HR: variants seen among roughly 807,000 people sequenced by gnomAD.
The protein encoded by HR is HR lysine demethylase and nuclear receptor corepressor, also known as lysine-specific demethylase hairless.
Under a neutral mutation model 128.6 loss-of-function variants are expected in HR, and 83 were observed. That is an observed-to-expected ratio of 0.65 (90% CI 0.54 to 0.77). The LOEUF is 0.77. Among genes scored for constraint, HR ranks in the 30% least tolerant of loss-of-function variants. HR has a pLI of 0.00. For missense variants in HR, 1,490 were observed against 1,574.6 expected (o/e 0.95, Z 0.91); for synonymous variants, 681 against 658.2 (o/e 1.03, Z -0.53).
At position 22,119,146 on chromosome 8, in the gene HR, C is replaced by T. The variant is rs752585861; in HGVS notation, c.3097+18G>A. On this transcript the variant is annotated intron_variant, in intron 15 of 18. Coordinates refer to ENST00000381418, the MANE Select transcript of HR (RefSeq NM_005144.5). ...CTCTGTAGCTTGTCCCCGCTCCTGC[C>T]TCTGGCCGAGGACCTACCTTTCTGT... The T allele has an allele frequency of 1.9e-6, 3 of 1,613,714 alleles. No individual in the cohort carries two copies. Among genetic ancestry groups the T allele is most frequent in the African/African-American group, 1.3e-5 (1 of 74,938 alleles).
Position 22,123,765 on chromosome 8 carries a change from C to T in HR, c.1799G>A (p.Cys600Tyr). ...TEDSPGIPRC[C>Y]SRCHHGLFNT... ...GAAGAGTCCATGGTGGCAACGGCTG[C>T]AGCAGCGTGGAATGCCTGGGCTGTC... Residue 600 changes from cysteine to tyrosine, a missense_variant, in exon 6 of 19, where the codon TGC (cysteine) becomes TAC (tyrosine). Cys to Tyr is a radical substitution (Grantham distance 194, BLOSUM62 -2). Around this residue, in one of 3 missense-constraint regions of HR, gnomAD observed 1,060 missense variants for 1,060.9 expected, o/e 1.00. Coordinates refer to ENST00000381418, the MANE Select transcript of HR (RefSeq NM_005144.5). 6.2e-7 allele frequency: 1 copy of T among 1,602,208 alleles called. No individual in the cohort carries two copies. Among genetic ancestry groups the T allele is most frequent in the Non-Finnish European group, 8.5e-7 (1 of 1,177,650 alleles).
At chr8:22,128,295 A>G (rs1826954578) in intron 2 of HR, 1 of 580,996 alleles carries the variant, frequency 1.7e-6, no homozygotes, top group South Asian at 2.0e-5. Flanking sequence ...CCAAGGCCAC[A>G]GTTCCCAGGA....
chr8:22,117,150 C>G (rs1162696369), intron 16 of HR, 111 bp from the exon 17 acceptor site: 46 of 1,175,398 alleles, frequency 3.9e-5, no homozygotes, highest in Non-Finnish European at 5.1e-5. Flanking sequence ...GCCGAAGGGT[C>G]AAGTCTTGAA....
chr8:22,126,500 AG>A (rs1388621883), intron 3 of HR, among the ~76,000 whole-genome samples: 2 of 152,242 alleles, frequency 1.3e-5, no homozygotes, highest in Non-Finnish European at 2.9e-5. Flanking sequence ...GCGCAGGACA[AG>A]GGATCCTTCA....
chr8:22,121,714 C>T lies in HR; in HGVS notation c.2122-20G>A. 6.2e-7 allele frequency: 1 copy of T among 1,603,304 alleles called. No individual in the cohort carries two copies. Among genetic ancestry groups the T allele is most frequent in the Non-Finnish European group, 8.5e-7 (1 of 1,170,402 alleles). On this transcript the variant is annotated intron_variant, in intron 8 of 18. Transcript: ENST00000381418. ...TTCCTTCTGTTAAACCCATCCACCA[C>T]CCCCCCAATCCAACCAGAGATTTTA...
rs1197580100 is a variant in HR, at chr8:22,123,718, G to A, written c.1846C>T (p.Arg616Cys). ...GLFNTHWRCPRCSHRLCVACG... is the reference protein window; with the variant it reads ...GLFNTHWRCPCCSHRLCVACG... ...GCCACACACAGCCGGTGGCTGCAGC[G>A]GGGACATCGCCAGTGGGTGTTGAAG... is the stretch of plus-strand genomic sequence containing the variant. Residue 616 changes from arginine (R) to cysteine (C), a missense_variant, in exon 6 of 19, where the codon CGC becomes TGC. By Grantham distance (180) the Arg-to-Cys change is radical (BLOSUM62 -3). Coordinates refer to ENST00000381418, the MANE Select transcript of HR (RefSeq NM_005144.5). 8.9e-6 allele frequency: 14 copies of A among 1,581,894 alleles called. No individual in the cohort carries two copies. The highest frequency in any genetic ancestry group is 2.3e-5 in the East Asian group (1 of 43,894).
chr8:22,119,046 G>A lies in HR; in HGVS notation c.3117C>T (p.Asp1039=), dbSNP rs758297381. Residue 1039 remains aspartate (D), a synonymous_variant, in exon 16 of 19, where the codon GAC becomes GAT. Transcript: ENST00000381418. ...RAQKDFLSGL[D]GEGLWSPGSQ... ...TGCCCGGAGACCAGAGCCCCTCCCC[G>A]TCCAGGCCTGAAAGGAAGTCTGAGG... 23 of 1,613,130 alleles carry A rather than the reference G, an allele frequency of 1.4e-5. No individual in the cohort carries two copies. The highest frequency in any genetic ancestry group is 2.2e-5 in the South Asian group (2 of 91,080).
At chr8:22,119,392 T>C (rs1296887788) in intron 14 of HR, 109 bp from the exon 15 acceptor site, 2 of 1,488,622 alleles carry the variant, frequency 1.3e-6, no homozygotes, top group East Asian at 4.7e-5. Flanking sequence ...GCAGATCACC[T>C]GAGGTCAGGA....
At position 22,127,209 on chromosome 8, in the gene HR, G is replaced by A. The variant is rs1826916958; in HGVS notation, c.1233C>T (p.Leu411=). The change falls in exon 3 of 19, where the codon CTC becomes CTT. Residue 411 remains leucine (L), a synonymous_variant. Coordinates refer to ENST00000381418, the MANE Select transcript of HR (RefSeq NM_005144.5). ...GGACCTCGGGGCTGCCTGCCCTTTT[G>A]AGGGCCCGGAGCCGAGCAACCGGCC... ...EERPVARLRA[L]KRAGSPEVQG... 1.2e-6 allele frequency: 2 copies of A among 1,612,888 alleles called. No individual in the cohort carries two copies. Among genetic ancestry groups the A allele is most frequent in the Non-Finnish European group, 1.7e-6 (2 of 1,180,016 alleles).
At chr8:22,121,330 C>G (rs1407964997) in intron 9 of HR, 102 bp from the exon 10 acceptor site, 2 of 1,433,660 alleles carry the variant, frequency 1.4e-6, no homozygotes, top group Non-Finnish European at 1.9e-6. Context: ...CTGGCTGAGC[C>G]CACTCTCCCC....
At chr8:22,119,631 A>G (rs1280445412) in intron 14 of HR, 129 bp downstream of exon 14, 4 of 1,136,872 alleles carry the variant, frequency 3.5e-6, no homozygotes, top group Admixed American at 3.0e-5. Flanking sequence ...AAAAAAAAAA[A>G]GAAAGAAAGA....
At chr8:22,119,322 CAG>C in intron 14 of HR, 39 bp from the exon 15 acceptor site, 1 of 1,612,516 alleles carries the variant, frequency 6.2e-7, no homozygotes, top group Non-Finnish European at 8.5e-7. Context: ...GAAATGGAAT[CAG>C]AGAGCCAGGC....
rs747696916 is a variant in HR, at chr8:22,116,904, C to G, written c.3349G>C (p.Val1117Leu). 26 of 1,564,098 alleles carry G rather than the reference C, an allele frequency of 1.7e-5. No homozygotes were observed. Among genetic ancestry groups the G allele is most frequent in the Non-Finnish European group, 2.2e-5 (26 of 1,159,818 alleles). ...TGGGGAGCCCCTGCAGGCACCAGCA[C>G]GGCCTCTCCGGGGGCCTGGAGCAGG... The part of the protein sequence containing the change: ...WTLLQAPGEA[V>L]LVPAGAPHQV... Residue 1117 changes from valine (V) to leucine (L), a missense_variant, in exon 17 of 19, where the codon GTG (valine) becomes CTG (leucine). This residue lies in a region of HR where 423 missense variants were observed against 495.9 expected (regional missense o/e 0.85). Transcript: ENST00000381418. This position sits in a 1 kb window ranked among gnomAD's most constrained non-coding sequence, Gnocchi z 4.2.
intron 5 of HR, among the ~76,000 whole-genome samples, chr8:22,125,085 G>A (rs1229364738): frequency 6.6e-6 from 1 of 152,224 alleles, no homozygotes; most frequent in African/African-American, 2.4e-5. Context: ...ACCTCCCAGT[G>A]CCTTGCAGAT....
Position 22,119,753 on chromosome 8 carries a change from C to CA in HR, c.2977+6dup, listed in dbSNP as rs755222605. 30 of 1,604,464 alleles carry CA rather than the reference C, an allele frequency of 1.9e-5. No homozygotes were observed. In the Middle Eastern group the frequency reaches 1.7e-3, roughly 89 times the overall value. On this transcript the variant is annotated splice_region_variant and intron_variant, in intron 14 of 18. Coordinates refer to ENST00000381418, the MANE Select transcript of HR (RefSeq NM_005144.5). ...TAGAGACTGGGCAGGAGTGGAGGGA[C>CA]ACTCACCATAGGCTGCCCAGAGCTG...
Position 22,127,420 on chromosome 8 carries a change from C to T in HR, c.1022G>A (p.Cys341Tyr). The T allele has an allele frequency of 6.2e-7, 1 of 1,613,050 alleles. No individual in the cohort carries two copies. The change falls in exon 3 of 19, where the codon TGT (cysteine) becomes TAT (tyrosine). Residue 341 changes from cysteine to tyrosine, a missense_variant. Physicochemically the swap from Cys to Tyr is radical, Grantham distance 194. Around this residue, in one of 3 missense-constraint regions of HR, gnomAD observed 1,060 missense variants for 1,060.9 expected, o/e 1.00. Transcript: ENST00000381418. ...PPTKGGGLGPCGKCQEGLEGG... is the reference protein window; with the variant it reads ...PPTKGGGLGPYGKCQEGLEGG... ...CTCCAGGCCCTCCTGGCACTTCCCACAAGGGCCAAGACCCCCACCTTTAGT... is the reference window on the plus strand; with the variant it reads ...CTCCAGGCCCTCCTGGCACTTCCCATAAGGGCCAAGACCCCCACCTTTAGT...
intron 3 of HR, 56 bp from the exon 4 acceptor site, chr8:22,125,788 C>G (rs1586382730): frequency 6.3e-7 from 1 of 1,591,976 alleles, no homozygotes; most frequent in South Asian, 1.1e-5. Context: ...CTGAGAACCC[C>G]ATTCCTCACC....
chr8:22,128,254 A>T lies in HR; in HGVS notation c.612+305T>A, dbSNP rs6992008. 175,273 of 536,978 alleles carry T rather than the reference A, an allele frequency of 0.33. 30,391 individuals carry two copies. Among genetic ancestry groups the T allele is most frequent in the Middle Eastern group, 0.44 (877 of 1,972 alleles). 33.3% of individuals were successfully genotyped at this position (536,978 alleles called of 1,614,324 possible). On this transcript the variant is annotated intron_variant, in intron 2 of 18. Transcript: ENST00000381418. ...TCAGATAGAGGGCCCTTGTCTGCCCACCCATCTCCTCCCAGGACAAGCCAC... is the reference window on the plus strand; with the variant it reads ...TCAGATAGAGGGCCCTTGTCTGCCCTCCCATCTCCTCCCAGGACAAGCCAC...
rs1348774338 is a variant in HR, at chr8:22,128,969, C to T, written c.202G>A (p.Gly68Ser). Reference protein sequence around the residue: ...DSWLPPGFPQGPKDMLPLVEG... With the variant: ...DSWLPPGFPQSPKDMLPLVEG... ...ACAAGTGGGAGCATGTCCTTGGGGC[C>T]CTGGGGGAAGCCAGGGGGAAGCCAG... The change falls in exon 2 of 19, where the codon GGC becomes AGC. Residue 68 changes from glycine to serine, a missense_variant. Physicochemically the swap from Gly to Ser is moderately conservative, Grantham distance 56 (BLOSUM62 0). Transcript: ENST00000381418. 1.2e-6 allele frequency: 2 copies of T among 1,613,352 alleles called. No homozygotes were observed. The highest frequency in any genetic ancestry group is 1.7e-5 in the Admixed American group (1 of 60,020).
Sources: gnomAD v4.1 joint callset for allele counts (sites outside exome capture counted in the v4.1 genomes callset) on GRCh38, gnomAD v4.1.1 for gene constraint, gnomAD v4.1.1 regional missense constraint, Gnocchi (gnomAD v3.1) non-coding constraint, MANE v1.5 for transcripts, NCBI Gene and HGNC (gene_info 2026-07-23, HGNC 2026-07-21) for gene names.